Variants in LAMA2 observed in about 807,000 individuals in gnomAD.
LAMA2 encodes laminin subunit alpha 2.
LAMA2 carries 269 observed loss-of-function variants against 364.8 expected under a neutral mutation model. The observed-to-expected ratio is 0.74, with a 90% CI of 0.67 to 0.82. The LOEUF is 0.82. Ranked by LOEUF, LAMA2 falls within the 40% of genes least tolerant of loss-of-function variation. The pLI, the probability that LAMA2 is intolerant of heterozygous loss-of-function variation, is 0.00. For missense variants in LAMA2, 3,807 were observed against 3,873.2 expected, an observed-to-expected ratio of 0.98 and a Z score of 0.45; for synonymous variants, 1,379 against 1,370.6, an observed-to-expected ratio of 1.01 and a Z score of -0.14.
At chr6:129,204,774 C>A (rs1341652477) in intron 12 of LAMA2, among the ~76,000 whole-genome samples, 2 of 151,950 alleles carry the variant, frequency 1.3e-5, no homozygotes, top group African/African-American at 4.8e-5. Flanking sequence ...AATTTTCATT[C>A]TTGTTATATA....
intron 12 of LAMA2, among the ~76,000 whole-genome samples, chr6:129,205,940 C>T (rs576777856): frequency 2.5e-4 from 38 of 151,594 alleles, no homozygotes; most frequent in Non-Finnish European, 2.9e-5. Context: ...TGAGAATCAC[C>T]TGAACTCCGG....
chr6:129,365,846 G>C (rs929209079), intron 32 of LAMA2, among the ~76,000 whole-genome samples: 1 of 152,110 alleles, frequency 6.6e-6, no homozygotes, highest in Non-Finnish European at 1.5e-5. Context: ...CCTGTGGACA[G>C]GTTCCTTTCG....
chr6:129,211,005 A>G (rs3778130), intron 12 of LAMA2, among the ~76,000 whole-genome samples: 32,456 of 152,054 alleles, frequency 0.21, 4,415 homozygotes, highest in East Asian at 0.49. Context: ...CCACGGCCTC[A>G]TCTGTGGTTT....
At chr6:129,143,273 G>A (rs1368470177) in intron 4 of LAMA2, among the ~76,000 whole-genome samples, 1 of 151,158 alleles carries the variant, frequency 6.6e-6, no homozygotes, top group Admixed American at 6.6e-5. Context: ...ATTTTCATAG[G>A]GTATGTTACA....
chr6:128,974,129 G>A (rs779451592), intron 1 of LAMA2, among the ~76,000 whole-genome samples: 3 of 152,224 alleles, frequency 2.0e-5, no homozygotes, highest in Non-Finnish European at 2.9e-5. Flanking sequence ...CAGTATGCTA[G>A]TTGGCCTTAG....
intron 18 of LAMA2, among the ~76,000 whole-genome samples, chr6:129,284,957 G>A: frequency 6.6e-6 from 1 of 152,086 alleles, no homozygotes; most frequent in East Asian, 1.9e-4. Context: ...TCCGTTTCTA[G>A]CAAGGCATTC....
At chr6:128,988,146 A>T (rs769773387) in intron 1 of LAMA2, among the ~76,000 whole-genome samples, 9 of 152,226 alleles carry the variant, frequency 5.9e-5, no homozygotes, top group Non-Finnish European at 1.2e-4. Context: ...GATTATAGGC[A>T]TGAACCACTG....
At chr6:129,199,768 A>G (rs1782068906) in intron 12 of LAMA2, among the ~76,000 whole-genome samples, 1 of 152,110 alleles carries the variant, frequency 6.6e-6, no homozygotes, top group Admixed American at 6.6e-5. Flanking sequence ...GGAAAAGCCA[A>G]TGGCCAAGAA....
intron 4 of LAMA2, among the ~76,000 whole-genome samples, chr6:129,135,949 T>C (rs1387377112): frequency 6.6e-6 from 1 of 152,166 alleles, no homozygotes; most frequent in East Asian, 1.9e-4. Context: ...ATATTTCAAC[T>C]TCGAGTACTT....
In LAMA2 at chr6:128,938,510, G is replaced by C. The variant is rs1201628758; in HGVS notation, c.112+55153G>C. Reference sequence around the variant, plus strand: ...CAGTTGTATATAGAGAAGCTGCTAGGCAAACATAAGATTTTTTTAAATCTA... The same window carrying C: ...CAGTTGTATATAGAGAAGCTGCTAGCCAAACATAAGATTTTTTTAAATCTA... On this transcript the variant is annotated intron_variant, in intron 1 of 64. Transcript: ENST00000421865. Among the ~76,000 whole-genome samples the C allele has an allele frequency of 2.6e-5, 4 of 152,184 alleles. No individual in the cohort carries two copies. The South Asian group carries it at 8.3e-4, about 32-fold the overall frequency.
intron 1 of LAMA2, among the ~76,000 whole-genome samples, chr6:128,967,730 TAGGGAAACACGGATTTTACTGCTC>T (rs1781930893): frequency 1.3e-5 from 2 of 152,296 alleles, no homozygotes; most frequent in African/African-American, 4.8e-5. Context: ...ATTCTCACCC[TAGGGAAACACGGATTTTACTGCTC>T]AGGGGATGAT....
At chr6:129,246,821 A>G (rs1433659274) in intron 12 of LAMA2, among the ~76,000 whole-genome samples, 5 of 152,182 alleles carry the variant, frequency 3.3e-5, no homozygotes, top group Non-Finnish European at 7.3e-5. Context: ...AGGAGTGGAC[A>G]GATGGAGAAG....
intron 4 of LAMA2, among the ~76,000 whole-genome samples, chr6:129,123,115 C>T (rs1008079710): frequency 1.3e-5 from 2 of 151,700 alleles, no homozygotes; most frequent in African/African-American, 2.4e-5. Flanking sequence ...GCAGCCTGGC[C>T]AACATGGTGA....
At chr6:128,980,819 A>T in intron 1 of LAMA2, among the ~76,000 whole-genome samples, 1 of 152,354 alleles carries the variant, frequency 6.6e-6, no homozygotes. Flanking sequence ...ACAATAAAAA[A>T]AGCTTTGATT....
At chr6:128,883,452 C>A in intron 1 of LAMA2, 95 bp downstream of exon 1, 2 of 1,531,188 alleles carry the variant, frequency 1.3e-6, no homozygotes, top group South Asian at 1.2e-5. Flanking sequence ...TGTGGACTGC[C>A]GTCTTGCTTC....
intron 2 of LAMA2, among the ~76,000 whole-genome samples, chr6:129,058,457 C>T (rs889810473): frequency 3.2e-4 from 48 of 152,264 alleles, no homozygotes; most frequent in African/African-American, 1.1e-3. Context: ...CACAATTGGT[C>T]CTGTTCTTAT....
At chr6:129,297,525 T>C (rs1773262807) in intron 20 of LAMA2, among the ~76,000 whole-genome samples, 160 bp from the exon 21 acceptor site, 1 of 152,178 alleles carries the variant, frequency 6.6e-6, no homozygotes, top group South Asian at 2.1e-4. Flanking sequence ...ATAGAAAAGG[T>C]CCATTTGATT....
At chr6:129,377,725 G>A (rs903505950) in intron 34 of LAMA2, among the ~76,000 whole-genome samples, 9 of 152,324 alleles carry the variant, frequency 5.9e-5, no homozygotes, top group East Asian at 3.9e-4. Flanking sequence ...TATCTATTCA[G>A]TAGTTAGGTT....
In LAMA2 at chr6:129,059,908, C is replaced by T; in HGVS notation, c.396+12C>T. 1 of 1,407,526 alleles carries T rather than the reference C, an allele frequency of 7.1e-7. No individual in the cohort carries two copies. The highest frequency in any genetic ancestry group is 1.0e-6 in the Non-Finnish European group (1 of 991,624). 87.2% of individuals were successfully genotyped at this position (1,407,526 alleles called of 1,614,324 possible). On this transcript the variant is annotated intron_variant, in intron 3 of 64. Coordinates refer to ENST00000421865, the MANE Select transcript of LAMA2 (RefSeq NM_000426.4). Reference sequence around the variant, plus strand: ...TGGATTTACAGCAGGTATAGTTCCTCTTTTTTTGTCATTTCCACTTTTGAA... The same window carrying T: ...TGGATTTACAGCAGGTATAGTTCCTTTTTTTTTGTCATTTCCACTTTTGAA...
Sources: gnomAD v4.1 joint callset for allele counts (sites outside exome capture counted in the v4.1 genomes callset) on GRCh38, gnomAD v4.1.1 for gene constraint, MANE v1.5 for transcripts, NCBI Gene and HGNC (gene_info 2026-07-23, HGNC 2026-07-21) for gene names.